SGCG: variants seen among roughly 807,000 people sequenced by gnomAD.
SGCG encodes the protein sarcoglycan gamma.
A neutral mutation model predicts 29.3 loss-of-function variants in SGCG; 26 were observed. That is an observed-to-expected ratio of 0.89 (90% CI 0.65 to 1.23). The LOEUF is 1.23. Ranked by LOEUF, SGCG falls within the 50% of genes most tolerant of loss-of-function variation. SGCG has a pLI of 0.00. For missense variants in SGCG, 353 were observed against 356.0 expected (o/e 0.99, Z 0.07); for synonymous variants, 145 against 129.7 (o/e 1.12, Z -0.80).
In SGCG at chr13:23,189,280, A is replaced by G. The variant is rs1232629505; in HGVS notation, c.-1+8205A>G. On this transcript the variant is annotated intron_variant, in intron 1 of 7. Coordinates refer to ENST00000218867, the MANE Select transcript of SGCG (RefSeq NM_000231.3). ...CAACCTCCGCCTCCTGGGTTCAAAC[A>G]ATTTTCTGGCCTCAGCCTCCTGAGT... Among the ~76,000 whole-genome samples, 3 of 152,116 alleles carry G rather than the reference A, an allele frequency of 2.0e-5. No individual in the cohort carries two copies. In the South Asian group the frequency reaches 6.2e-4, roughly 31 times the overall value.
chr13:23,296,081 T>G (rs945540682), intron 6 of SGCG, among the ~76,000 whole-genome samples: 1 of 152,268 alleles, frequency 6.6e-6, no homozygotes, highest in Non-Finnish European at 1.5e-5. Flanking sequence ...TCATATATTT[T>G]ACAAACCTAT....
At chr13:23,252,103 G>T (rs1879990131) in intron 4 of SGCG, among the ~76,000 whole-genome samples, 1 of 152,114 alleles carries the variant, frequency 6.6e-6, no homozygotes, top group Non-Finnish European at 1.5e-5. Context: ...ATCAGGAGAT[G>T]AACTCCAGTT....
At chr13:23,206,752 A>T (rs866041459) in intron 2 of SGCG, among the ~76,000 whole-genome samples, 1 of 152,204 alleles carries the variant, frequency 6.6e-6, no homozygotes, top group African/African-American at 2.4e-5. Context: ...CTAGAAATAA[A>T]CTTAACTAAG....
chr13:23,268,928 A>C (rs1428402542), intron 4 of SGCG: 1 of 151,402 alleles, frequency 6.6e-6, no homozygotes, highest in Non-Finnish European at 1.5e-5. Context: ...CATCTTCAGG[A>C]AGACTAGCCG....
At chr13:23,213,664 G>A (rs149462219) in intron 2 of SGCG, among the ~76,000 whole-genome samples, 233 of 152,228 alleles carry the variant, frequency 1.5e-3, no homozygotes, top group Middle Eastern at 0.01. Flanking sequence ...ACATCAGATT[G>A]GACAGATTTT....
intron 6 of SGCG, among the ~76,000 whole-genome samples, chr13:23,315,078 G>A (rs75352620): frequency 0.087 from 13,274 of 152,210 alleles, 828 homozygotes; most frequent in Non-Finnish European, 0.13. Context: ...AGATAGGGAC[G>A]CTGTTTACAG....
At chr13:23,186,379 C>T (rs1313066245) in intron 1 of SGCG, among the ~76,000 whole-genome samples, 1 of 152,180 alleles carries the variant, frequency 6.6e-6, no homozygotes, top group Non-Finnish European at 1.5e-5. Flanking sequence ...CAGTGGTATC[C>T]AGCCTGAGGA....
At chr13:23,207,995 A>G (rs1180352184) in intron 2 of SGCG, among the ~76,000 whole-genome samples, 1 of 152,158 alleles carries the variant, frequency 6.6e-6, no homozygotes, top group Admixed American at 6.5e-5. Context: ...TTATTTTCAT[A>G]TATAAACCAA....
chr13:23,278,616 G>A (rs1050886493), intron 4 of SGCG, among the ~76,000 whole-genome samples: 1 of 152,160 alleles, frequency 6.6e-6, no homozygotes, highest in Non-Finnish European at 1.5e-5. Context: ...AGTGCCTGAG[G>A]TGCGTGTGTA....
At chr13:23,288,044 C>T (rs554755554) in intron 5 of SGCG, among the ~76,000 whole-genome samples, 5 of 152,228 alleles carry the variant, frequency 3.3e-5, no homozygotes, top group East Asian at 1.9e-4. Context: ...TGAGCCACTG[C>T]GCCCAGCCAA....
intron 2 of SGCG, among the ~76,000 whole-genome samples, chr13:23,227,112 G>A (rs1179059910): frequency 1.3e-5 from 2 of 151,988 alleles, no homozygotes; most frequent in African/African-American, 4.8e-5. Flanking sequence ...AATGAAGATG[G>A]CATCATGAGG....
At chr13:23,220,851 A>G (rs944891874) in intron 2 of SGCG, among the ~76,000 whole-genome samples, 1 of 152,218 alleles carries the variant, frequency 6.6e-6, no homozygotes, top group East Asian at 1.9e-4. Context: ...AGATAAGCCA[A>G]ATCAATCACT....
intron 1 of SGCG, among the ~76,000 whole-genome samples, chr13:23,201,386 GGT>G (rs1877754884): frequency 6.6e-6 from 1 of 152,146 alleles, no homozygotes. Flanking sequence ...AGGCTCTGCA[GGT>G]GTGGTTATGC....
At chr13:23,269,741 G>A (rs201308237) in intron 4 of SGCG, among the ~76,000 whole-genome samples, 32 of 150,972 alleles carry the variant, frequency 2.1e-4, no homozygotes, top group Admixed American at 1.5e-3. Context: ...TGGAGTTGCC[G>A]TGATTATTCA....
chr13:23,269,467 C>T (rs1880773688), intron 4 of SGCG, among the ~76,000 whole-genome samples: 1 of 152,188 alleles, frequency 6.6e-6, no homozygotes, highest in African/African-American at 2.4e-5. Flanking sequence ...CAGTCCCCAG[C>T]CCCTTCCTAC....
At chr13:23,259,006 C>A (rs1200087289) in intron 4 of SGCG, among the ~76,000 whole-genome samples, 2 of 151,116 alleles carry the variant, frequency 1.3e-5, no homozygotes, top group Non-Finnish European at 3.0e-5. Context: ...GTCTAAAATT[C>A]TGTTTTGTTG....
At chr13:23,197,486 C>CA (rs1332304219) in intron 1 of SGCG, among the ~76,000 whole-genome samples, 7 of 152,188 alleles carry the variant, frequency 4.6e-5, no homozygotes, top group Non-Finnish European at 8.8e-5. Flanking sequence ...GCTAAGCCCT[C>CA]AGTCAGCAAG....
At chr13:23,228,911 C>T (rs968800538) in intron 2 of SGCG, among the ~76,000 whole-genome samples, 13 of 152,188 alleles carry the variant, frequency 8.5e-5, no homozygotes, top group African/African-American at 7.2e-5. Flanking sequence ...TGCCCTGTCA[C>T]CCAGGCTGGA....
intron 4 of SGCG, among the ~76,000 whole-genome samples, chr13:23,253,475 C>G (rs1285271396): frequency 6.6e-6 from 1 of 152,180 alleles, no homozygotes; most frequent in South Asian, 2.1e-4. Context: ...CCCACAGTTG[C>G]AACCCTTCTA....
Sources: gnomAD v4.1 joint callset for allele counts (sites outside exome capture counted in the v4.1 genomes callset) on GRCh38, gnomAD v4.1.1 for gene constraint, MANE v1.5 for transcripts, NCBI Gene and HGNC (gene_info 2026-07-23, HGNC 2026-07-21) for gene names.